Variants in AVIL observed in about 807,000 individuals in gnomAD.
The protein encoded by AVIL is advillin.
In AVIL, 78 loss-of-function variants were observed where a neutral mutation model predicts 109.9. That is an observed-to-expected ratio of 0.71 (90% CI 0.59 to 0.86). The LOEUF is 0.86. Among genes scored for constraint, AVIL ranks in the 40% least tolerant of loss-of-function variants. AVIL has a pLI of 0.00. For synonymous variants in AVIL, 367 were observed against 379.1 expected (o/e 0.97, Z 0.37); for missense variants, 892 against 1,016.5 (o/e 0.88, Z 1.67).
chr12:57,815,725 G>A, intron 2 of AVIL: 2 of 1,404,008 alleles, frequency 1.4e-6, no homozygotes, highest in Non-Finnish European at 1.9e-6. Context: ...CAGGTGGCTG[G>A]CTAAAGGACA....
At chr12:57,807,880 C>T (rs1167188454) in intron 11 of AVIL, 153 bp from the exon 12 acceptor site, 9 of 1,115,340 alleles carry the variant, frequency 8.1e-6, no homozygotes, top group Non-Finnish European at 1.2e-5. Context: ...GGACTCATCA[C>T]ATTTGCATGA....
chr12:57,809,877 C>G lies in AVIL; in HGVS notation c.775G>C (p.Ala259Pro). The G allele has an allele frequency of 6.2e-7, 1 of 1,614,196 alleles. No homozygotes were observed. The highest frequency in any genetic ancestry group is 8.5e-7 in the Non-Finnish European group (1 of 1,180,022). ...TIMLYHISDS[A>P]GQLAVTEVAT... ...ACCTCTGTGACTGCCAGCTGCCCAG[C>G]TGAATCTGAGATACTGGAGAAGGGG... is the stretch of plus-strand genomic sequence containing the variant. The change falls in exon 8 of 20, where the codon GCT becomes CCT. Residue 259 changes from alanine to proline, a missense_variant. Transcript: ENST00000549994.
intron 14 of AVIL, 118 bp from the exon 15 acceptor site, chr12:57,803,787 C>G: frequency 7.4e-7 from 1 of 1,359,454 alleles, no homozygotes; most frequent in Non-Finnish European, 9.9e-7. Flanking sequence ...AACCACAGTC[C>G]CTCAGCCTGG....
rs764470851 is a variant in AVIL, at chr12:57,808,292, T to C, written c.1096A>G (p.Lys366Glu). Reference sequence around the variant, plus strand: ...ACATCAAATTTATCCTGGAAAACTTTAGCTGTGGAGAAAGGGTTGGGAAAA... The same window carrying C: ...ACATCAAATTTATCCTGGAAAACTTCAGCTGTGGAGAAAGGGTTGGGAAAA... ...GKTFSIGKIA[K>E]VFQDKFDVTL... Residue 366 changes from lysine (K) to glutamate (E), a missense_variant and splice_region_variant, in exon 11 of 20, where the codon AAA (lysine) becomes GAA (glutamate). Coordinates refer to ENST00000549994, the MANE Select transcript of AVIL (RefSeq NM_006576.4). 10 of 1,614,174 alleles carry C rather than the reference T, an allele frequency of 6.2e-6. No individual in the cohort carries two copies. Among genetic ancestry groups the C allele is most frequent in the Admixed American group, 1.7e-5 (1 of 60,006 alleles).
intron 14 of AVIL, chr12:57,804,135 A>C (rs1225693860): frequency 1.3e-5 from 2 of 154,632 alleles, no homozygotes; most frequent in Non-Finnish European, 2.9e-5. Flanking sequence ...TTGGAGTCAA[A>C]GCCTCCCTGA....
chr12:57,800,052 T>A, intron 18 of AVIL, 132 bp from the exon 19 acceptor site: 7 of 1,219,148 alleles, frequency 5.7e-6, no homozygotes, highest in Non-Finnish European at 8.0e-6. Context: ...TTGATAACAA[T>A]GCTCCCCAAA....
At chr12:57,814,363 G>A (rs1002479132) in intron 2 of AVIL, 137 bp from the exon 3 acceptor site, 3 of 831,610 alleles carry the variant, frequency 3.6e-6, no homozygotes, top group Non-Finnish European at 3.7e-6. Flanking sequence ...TACAGGATGT[G>A]AGGCTGCCAG....
Position 57,799,791 on chromosome 12 carries a change from T to C in AVIL, c.2346+4A>G. The C allele has an allele frequency of 6.2e-7, 1 of 1,613,928 alleles. No homozygotes were observed. Among genetic ancestry groups the C allele is most frequent in the Non-Finnish European group, 8.5e-7 (1 of 1,179,998 alleles). Reference sequence around the variant, plus strand: ...CAACAGACACAGTTCCTTCAGCCACTCACCTCCTTTTTGGCAGGGTTTACA... The same window carrying C: ...CAACAGACACAGTTCCTTCAGCCACCCACCTCCTTTTTGGCAGGGTTTACA... On this transcript the variant is annotated splice_donor_region_variant and intron_variant, in intron 19 of 19. Transcript: ENST00000549994.
At chr12:57,809,759 C>T in intron 8 of AVIL, 53 bp downstream of exon 8, 2 of 1,613,314 alleles carry the variant, frequency 1.2e-6, no homozygotes, top group African/African-American at 1.3e-5. Context: ...ACAGGGTCTG[C>T]TTCTGAAGCA....
At chr12:57,803,195 C>A in intron 16 of AVIL, 52 bp downstream of exon 16, 1 of 1,609,886 alleles carries the variant, frequency 6.2e-7, no homozygotes, top group Non-Finnish European at 8.5e-7. Flanking sequence ...ACAAAAACAA[C>A]CCTTACTGTG....
In AVIL at chr12:57,809,612, G is replaced by A. The variant is rs749901213; in HGVS notation, c.924C>T (p.Ala308=). 6.2e-7 allele frequency: 1 copy of A among 1,614,210 alleles called. No homozygotes were observed. Among genetic ancestry groups the A allele is most frequent in the Non-Finnish European group, 8.5e-7 (1 of 1,180,036 alleles). The change falls in exon 9 of 20, where the codon GCC becomes GCT. Residue 308 remains alanine, a synonymous_variant. Transcript: ENST00000549994. The stretch of plus-strand genomic sequence containing the variant: ...TAGCTCCTACCAGCGCTTTAGACAT[G>A]GCTGCCTGTTTTTCAGCCTTTGTGG... ...KGATKAEKQA[A]MSKALGFIKM... is the part of the protein sequence containing the mutation.
In AVIL at chr12:57,806,587, C is replaced by T. The variant is rs368889532; in HGVS notation, c.1492-48G>A. The stretch of plus-strand genomic sequence containing the variant: ...CCAGATCTAAGGAGCACCATGTGAG[C>T]AGAGTGCTAGAGGAGCTGTTGTGGG... On this transcript the variant is annotated intron_variant, in intron 13 of 19. Coordinates refer to ENST00000549994, the MANE Select transcript of AVIL (RefSeq NM_006576.4). The T allele has an allele frequency of 2.7e-5, 43 of 1,600,736 alleles. No individual in the cohort carries two copies. In the African/African-American group the frequency reaches 5.4e-4, roughly 20 times the overall value.
In AVIL at chr12:57,809,617, C is replaced by G. The variant is rs758038852; in HGVS notation, c.919G>C (p.Ala307Pro). 6.2e-7 allele frequency: 1 copy of G among 1,614,210 alleles called. No homozygotes were observed. The highest frequency in any genetic ancestry group is 8.5e-7 in the Non-Finnish European group (1 of 1,180,036). Residue 307 changes from alanine to proline, a missense_variant, in exon 9 of 20, where the codon GCA (alanine) becomes CCA (proline). Transcript: ENST00000549994. ...GKGATKAEKQ[A>P]AMSKALGFIK... ...CCTACCAGCGCTTTAGACATGGCTG[C>G]CTGTTTTTCAGCCTTTGTGGCTCCT...
Position 57,797,813 on chromosome 12 carries a change from A to G in AVIL, c.*69T>C. ...AATGTCAGGCAGAAATTGGTGGATA[A>G]ATTATTTCCTGATATTGGCACTATC... On this transcript the variant is annotated 3_prime_UTR_variant, in exon 20 of 20. Coordinates refer to ENST00000549994, the MANE Select transcript of AVIL (RefSeq NM_006576.4). The G allele has an allele frequency of 8.1e-7, 1 of 1,233,490 alleles. No individual in the cohort carries two copies. The highest frequency in any genetic ancestry group is 1.1e-6 in the Non-Finnish European group (1 of 906,948). The allele number at this position is 1,233,490 out of a possible 1,614,324, so 76.4% of individuals were successfully genotyped here. A position where few individuals can be genotyped will look rare whatever the true frequency, so the allele number is the denominator to read the frequency against.
At chr12:57,800,088 G>T in intron 18 of AVIL, 168 bp from the exon 19 acceptor site, 1 of 902,720 alleles carries the variant, frequency 1.1e-6, no homozygotes, top group Non-Finnish European at 1.6e-6. Context: ...GAATCATCTG[G>T]GAATAGAAAA....
At chr12:57,810,307 C>G (rs370467722) in intron 7 of AVIL, 42 bp downstream of exon 7, 1 of 1,608,376 alleles carries the variant, frequency 6.2e-7, no homozygotes, top group African/African-American at 1.3e-5. Flanking sequence ...ACACCTTCCC[C>G]CCAACCCCAG....
rs57561819 is a variant in AVIL at position 57,797,541 on chromosome 12, C to G, written c.*341G>C. 1.6e-3 allele frequency: 1,486 copies of G among 933,042 alleles called. 18 individuals are homozygous for G. In the African/African-American group the frequency reaches 0.025, roughly 16 times the overall value. The allele number at this position is 933,042 out of a possible 1,614,324, so 57.8% of individuals were successfully genotyped here. A position where few individuals can be genotyped will look rare whatever the true frequency, so the allele number is the denominator to read the frequency against. ...TTAAAATTGAAAACAAAGGTAGGTC[C>G]TGGTATAATATTAAACATAAAGTTA... is the stretch of plus-strand genomic sequence containing the variant. On this transcript the variant is annotated 3_prime_UTR_variant, in exon 20 of 20. Transcript: ENST00000549994.
Position 57,803,370 on chromosome 12 carries a change from A to G in AVIL, c.1839T>C (p.Asp613=), listed in dbSNP as rs1420744356. The G allele has an allele frequency of 6.2e-7, 1 of 1,614,234 alleles. No individual in the cohort carries two copies. Among genetic ancestry groups the G allele is most frequent in the Non-Finnish European group, 8.5e-7 (1 of 1,180,034 alleles). ...NDKRLQQEIL[D]VQSRLFECSN... ...AACATTCAAAGAGACGAGACTGGAC[A>G]TCTAGGATTTCCTGCTGAAGTCTGC... The change falls in exon 16 of 20, where the codon GAT becomes GAC. Residue 613 remains aspartate (D), a synonymous_variant. Transcript: ENST00000549994.
intron 10 of AVIL, 49 bp downstream of exon 10, chr12:57,808,346 G>C: frequency 1.2e-6 from 2 of 1,613,958 alleles, no homozygotes; most frequent in Non-Finnish European, 8.5e-7. Flanking sequence ...ATCTGTGCCT[G>C]CTTTTCTAGA....
Sources: allele counts gnomAD v4.1 joint callset, GRCh38; gene constraint gnomAD v4.1.1; transcripts MANE v1.5; gene names NCBI Gene and HGNC (gene_info 2026-07-23, HGNC 2026-07-21).